Variants in CTNNA2 observed in about 807,000 individuals in gnomAD.
CTNNA2 encodes catenin alpha 2.
Under a neutral mutation model 101.0 loss-of-function variants are expected in CTNNA2, and 42 were observed. The ratio of observed to expected loss-of-function variants is 0.42; its 90% CI spans 0.32 to 0.54. The LOEUF (loss-of-function observed/expected upper bound fraction) is 0.54, where lower values mean the gene tolerates loss of function less well. CTNNA2 is among the 20% of genes least tolerant of loss of function. The pLI is 0.14. For synonymous variants in CTNNA2, 450 were observed against 456.4 expected (o/e 0.99, Z 0.18); for missense variants, 871 against 1,223.1 (o/e 0.71, Z 4.29).
chr2:79,702,477 T>A (rs1685078918), intron 2 of CTNNA2, among the ~76,000 whole-genome samples: 3 of 152,194 alleles, frequency 2.0e-5, no homozygotes. Flanking sequence ...GTGTGCTGAC[T>A]CCTGCTGTAG....
At chr2:79,685,738 G>C (rs952679803) in intron 2 of CTNNA2, among the ~76,000 whole-genome samples, 2 of 152,134 alleles carry the variant, frequency 1.3e-5, no homozygotes, top group African/African-American at 4.8e-5. Context: ...AAGAAAGGAA[G>C]ACTGGATAAA....
intron 7 of CTNNA2, among the ~76,000 whole-genome samples, chr2:79,922,568 C>T (rs1686741404): frequency 6.6e-6 from 1 of 151,670 alleles, no homozygotes; most frequent in Admixed American, 6.6e-5. Flanking sequence ...CTTCTAATCT[C>T]TTCTGTTGCC....
intron 7 of CTNNA2, among the ~76,000 whole-genome samples, chr2:80,290,168 G>A (rs1675113967): frequency 6.6e-6 from 1 of 152,154 alleles, no homozygotes; most frequent in Non-Finnish European, 1.5e-5. Context: ...GTACAGAAAA[G>A]TGCTGATTTA....
intron 4 of CTNNA2, among the ~76,000 whole-genome samples, chr2:79,477,909 A>C (rs1268399199): frequency 6.6e-6 from 1 of 152,222 alleles, no homozygotes; most frequent in East Asian, 1.9e-4. Flanking sequence ...GTTTTGCCCC[A>C]GCAATGAAAA....
At chr2:79,196,699 T>C (rs766431895) in intron 1 of CTNNA2, among the ~76,000 whole-genome samples, 6 of 152,248 alleles carry the variant, frequency 3.9e-5, no homozygotes, top group Non-Finnish European at 5.9e-5. Flanking sequence ...TATTTCAAAA[T>C]GTTCTGCTTT....
intron 2 of CTNNA2, among the ~76,000 whole-genome samples, chr2:79,225,245 G>A (rs1431064681): frequency 1.3e-5 from 2 of 152,016 alleles, no homozygotes; most frequent in Non-Finnish European, 2.9e-5. Context: ...TTTTGCAGTC[G>A]CACTGACAAT....
At chr2:79,413,934 C>CATATAT (rs70940033) in intron 4 of CTNNA2, among the ~76,000 whole-genome samples, 96 of 140,260 alleles carry the variant, frequency 6.8e-4, no homozygotes, top group Admixed American at 1.0e-3. Context: ...GAGCTGAATT[C>CATATAT]ATATATATAT....
At chr2:80,564,071 GAC>G (rs1460934733) in intron 12 of CTNNA2, among the ~76,000 whole-genome samples, 2 of 152,142 alleles carry the variant, frequency 1.3e-5, no homozygotes, top group Non-Finnish European at 2.9e-5. Flanking sequence ...GTAACATAAT[GAC>G]ACAGTTACCT....
chr2:80,112,222 T>C (rs895865014), intron 7 of CTNNA2, among the ~76,000 whole-genome samples: 6 of 152,216 alleles, frequency 3.9e-5, no homozygotes, highest in Admixed American at 1.3e-4. Flanking sequence ...GTTTTTACAT[T>C]TTTAAATGGC....
chr2:79,503,985 G>A (rs991450317), intron 4 of CTNNA2, among the ~76,000 whole-genome samples: 9 of 152,184 alleles, frequency 5.9e-5, no homozygotes, highest in South Asian at 4.1e-4. Flanking sequence ...TTCCTGAAGC[G>A]CTCTAAAGTT....
intron 7 of CTNNA2, among the ~76,000 whole-genome samples, chr2:80,315,926 G>C (rs754038283): frequency 3.3e-5 from 5 of 152,170 alleles, no homozygotes; most frequent in Non-Finnish European, 5.9e-5. Context: ...TAGAAATGCA[G>C]AATCTCAGGC....
chr2:79,870,365 G>A (rs1682488634), intron 5 of CTNNA2, among the ~76,000 whole-genome samples: 1 of 151,966 alleles, frequency 6.6e-6, no homozygotes. Context: ...TAGTATGTGG[G>A]GTGAAATTTT....
At chr2:79,458,566 T>C (rs1371670472) in intron 4 of CTNNA2, among the ~76,000 whole-genome samples, 3 of 152,178 alleles carry the variant, frequency 2.0e-5, no homozygotes, top group Admixed American at 2.0e-4. Context: ...TGTGGTTTTC[T>C]AGTTCACCCT....
chr2:79,310,646 G>A (rs1676346300), intron 2 of CTNNA2, among the ~76,000 whole-genome samples: 1 of 152,158 alleles, frequency 6.6e-6, no homozygotes, highest in South Asian at 2.1e-4. Flanking sequence ...AAACTAAAAG[G>A]ATTTTTTTCT....
intron 7 of CTNNA2, among the ~76,000 whole-genome samples, chr2:80,182,754 CT>C (rs1705861252): frequency 6.6e-6 from 1 of 152,144 alleles, no homozygotes; most frequent in Non-Finnish European, 1.5e-5. Context: ...AAAAAGCCAG[CT>C]ATGTGCAGTT....
intron 4 of CTNNA2, among the ~76,000 whole-genome samples, chr2:79,465,698 A>G (rs1015124390): frequency 6.6e-6 from 1 of 152,146 alleles, no homozygotes; most frequent in East Asian, 1.9e-4. Flanking sequence ...GGTCCTTCAC[A>G]TCCCTTGTAA....
chr2:80,263,584 C>A lies in CTNNA2; in HGVS notation c.1057-129627C>A, dbSNP rs1311432313. ...CTCCTAACCTCAAGTGATCCACCTG[C>A]CTCGGCCTCCCAAAGTGCAGGGATT... On this transcript the variant is annotated intron_variant, in intron 7 of 18. Transcript: ENST00000402739. 2.0e-5 allele frequency among the ~76,000 whole-genome samples: 3 copies of A among 152,212 alleles called. No homozygotes were observed. In the East Asian group the frequency reaches 5.8e-4, roughly 29 times the overall value.
intron 3 of CTNNA2, among the ~76,000 whole-genome samples, chr2:79,748,042 C>T (rs984244572): frequency 6.6e-6 from 1 of 152,152 alleles, no homozygotes; most frequent in Non-Finnish European, 1.5e-5. Context: ...GAGTGGTGCA[C>T]CTCCTCACTG....
chr2:80,539,412 C>A (rs200275453), intron 9 of CTNNA2, among the ~76,000 whole-genome samples: 329 of 123,028 alleles, frequency 2.7e-3, no homozygotes, highest in Middle Eastern at 4.6e-3. Flanking sequence ...CCAGAAGAGC[C>A]AAAAAAAAAA....
Sources: allele counts gnomAD v4.1 joint callset (sites outside exome capture counted in the v4.1 genomes callset), GRCh38; gene constraint gnomAD v4.1.1; transcripts MANE v1.5; gene names NCBI Gene and HGNC (gene_info 2026-07-23, HGNC 2026-07-21).